The following UBE3B variants were observed in gnomAD, a reference collection of about 807,000 sequenced individuals.
The protein encoded by UBE3B is ubiquitin-protein ligase E3B.
UBE3B carries 80 observed loss-of-function variants against 132.3 expected under a neutral mutation model. That is an observed-to-expected ratio of 0.60 (90% confidence interval 0.50 to 0.73). The LOEUF is 0.73. Among genes scored for constraint, UBE3B ranks in the 30% least tolerant of loss-of-function variants. The pLI, the probability that UBE3B is intolerant of heterozygous loss-of-function variation, is 0.00. For missense variants in UBE3B, 1,196 were observed against 1,362.5 expected (o/e 0.88, Z 1.92); for synonymous variants, 487 against 520.4 (o/e 0.94, Z 0.87).
At chr12:109,516,260 C>T (rs1233806670) in intron 18 of UBE3B, among the ~76,000 whole-genome samples, 1 of 148,712 alleles carries the variant, frequency 6.7e-6, no homozygotes, top group East Asian at 2.0e-4. Context: ...TAACCTCTGC[C>T]TCCTGGGTTC....
At chr12:109,512,675 C>T (rs1163562843) in intron 18 of UBE3B, among the ~76,000 whole-genome samples, 1 of 152,126 alleles carries the variant, frequency 6.6e-6, no homozygotes, top group Non-Finnish European at 1.5e-5. Flanking sequence ...ATTTCATCCT[C>T]ACTGCTGTCT....
At chr12:109,501,836 T>A (rs2241212) in intron 13 of UBE3B, among the ~76,000 whole-genome samples, 85,298 of 150,872 alleles carry the variant, frequency 0.57, 25,085 homozygotes, top group African/African-American at 0.72. Flanking sequence ...TTTTTTTTTT[T>A]AATTTTTGTA....
intron 21 of UBE3B, among the ~76,000 whole-genome samples, chr12:109,523,429 T>C (rs886256950): frequency 4.6e-5 from 7 of 152,218 alleles, no homozygotes; most frequent in South Asian, 4.1e-4. Flanking sequence ...TGCATCCTCA[T>C]TGGACATAGC....
chr12:109,527,604 C>G lies in UBE3B; in HGVS notation c.2627+1188C>G, dbSNP rs146773551. On this transcript the variant is annotated intron_variant, in intron 24 of 27. Coordinates refer to ENST00000342494, the MANE Select transcript of UBE3B (RefSeq NM_130466.4). ...GTCAGAAACGTCAGGAGAACAGACC[C>G]TGTTTTCATAATGATTGAAATACAC... Among the ~76,000 whole-genome samples, 85 of 152,344 alleles carry G rather than the reference C, an allele frequency of 5.6e-4. 1 individual carries two copies. The highest frequency in any genetic ancestry group is 1.8e-3 in the Admixed American group (27 of 15,306).
chr12:109,502,384 G>A (rs1357681153), intron 13 of UBE3B, among the ~76,000 whole-genome samples: 8 of 152,142 alleles, frequency 5.3e-5, no homozygotes, highest in Admixed American at 3.3e-4. Flanking sequence ...GAAGGTTCTC[G>A]TTGCACGCTC....
intron 23 of UBE3B, among the ~76,000 whole-genome samples, chr12:109,524,950 C>A (rs755050744): frequency 1.3e-5 from 2 of 151,996 alleles, no homozygotes; most frequent in Non-Finnish European, 2.9e-5. Flanking sequence ...CACGTCTCCT[C>A]CCACGGTTCC....
intron 5 of UBE3B, 25 bp from the exon 6 acceptor site, chr12:109,486,446 A>C: frequency 7.1e-6 from 11 of 1,560,274 alleles, no homozygotes; most frequent in Non-Finnish European, 9.7e-6. Context: ...ACAGCCCATG[A>C]CATTCCTCTT....
chr12:109,495,229 G>A (rs1878021525), intron 9 of UBE3B, among the ~76,000 whole-genome samples: 1 of 152,170 alleles, frequency 6.6e-6, no homozygotes, highest in South Asian at 2.1e-4. Context: ...GAAAGTGAAA[G>A]TATATAGTGT....
At position 109,530,620 on chromosome 12, in the gene UBE3B, T is replaced by G. The variant is rs1189765542; in HGVS notation, c.2884T>G (p.Ser962Ala). 6.2e-7 allele frequency: 1 copy of G among 1,614,250 alleles called. No homozygotes were observed. Among genetic ancestry groups the G allele is most frequent in the Non-Finnish European group, 8.5e-7 (1 of 1,180,040 alleles). Residue 962 changes from serine to alanine, a missense_variant, in exon 26 of 28, where the codon TCC (serine) becomes GCC (alanine). Ser to Ala is a moderately conservative substitution (Grantham distance 99). Transcript: ENST00000342494. ...CATCTGGCTCTGGGATATTCTGGCC[T>G]CCGACTTCACACCGGATGAGAGAGC... ...VIIWLWDILA[S>A]DFTPDERAMF...
In UBE3B at chr12:109,533,982, C is replaced by T. The variant is rs1198979358; in HGVS notation, c.3015+424C>T. 6.9e-6 allele frequency: 9 copies of T among 1,299,878 alleles called. No homozygotes were observed. In the South Asian group the frequency reaches 8.6e-5, roughly 12 times the overall value. 80.5% of individuals were successfully genotyped at this position (1,299,878 alleles called of 1,614,324 possible). A position where few individuals can be genotyped will look rare whatever the true frequency, so the allele number is the denominator to read the frequency against. On this transcript the variant is annotated intron_variant, in intron 27 of 27. Transcript: ENST00000342494. Reference sequence around the variant, plus strand: ...GTCCAGGCTCGCTGCTTCATTTCCTCATTGGCCAAAGGAGAAGGAAAGCCT... The same window carrying T: ...GTCCAGGCTCGCTGCTTCATTTCCTTATTGGCCAAAGGAGAAGGAAAGCCT...
At position 109,497,939 on chromosome 12, in the gene UBE3B, G is replaced by T. The variant is rs779103751; in HGVS notation, c.819+16G>T. The T allele has an allele frequency of 6.2e-7, 1 of 1,612,730 alleles. No individual in the cohort carries two copies. Among genetic ancestry groups the T allele is most frequent in the Non-Finnish European group, 8.5e-7 (1 of 1,178,928 alleles). ...GACCCCTGAGGTAAGCAGGCTCTGT[G>T]AGTTCCCCGTGAAAACCCAATTGTG... is the stretch of plus-strand genomic sequence containing the variant. On this transcript the variant is annotated intron_variant, in intron 10 of 27. Coordinates refer to ENST00000342494, the MANE Select transcript of UBE3B (RefSeq NM_130466.4).
intron 3 of UBE3B, 38 bp from the exon 4 acceptor site, chr12:109,483,823 T>C (rs2135763262): frequency 6.3e-7 from 1 of 1,598,492 alleles, no homozygotes; most frequent in South Asian, 1.1e-5. Flanking sequence ...CTACAAGCTG[T>C]TAATTTAAAA....
intron 26 of UBE3B, among the ~76,000 whole-genome samples, chr12:109,532,094 C>T (rs769736623): frequency 6.6e-6 from 1 of 152,196 alleles, no homozygotes; most frequent in East Asian, 1.9e-4. Flanking sequence ...CGCCCCTCCC[C>T]GCTCGCAGGA....
chr12:109,520,819 A>G (rs1324650253), intron 19 of UBE3B: 3 of 213,818 alleles, frequency 1.4e-5, no homozygotes, highest in Non-Finnish European at 2.8e-5. Flanking sequence ...AGAGAAATGT[A>G]TCTTGTCCCG....
chr12:109,520,972 T>A, intron 19 of UBE3B, 176 bp from the exon 20 acceptor site: 1 of 650,770 alleles, frequency 1.5e-6, no homozygotes, highest in South Asian at 2.3e-5. Flanking sequence ...GAATCTTTGC[T>A]TTTAATCAGC....
intron 19 of UBE3B, 61 bp downstream of exon 19, chr12:109,516,945 T>C: frequency 1.3e-6 from 2 of 1,584,310 alleles, no homozygotes; most frequent in African/African-American, 2.7e-5. Flanking sequence ...ATGGAAGCTC[T>C]TTAGTGGACG....
chr12:109,497,897 A>C lies in UBE3B; in HGVS notation c.793A>C (p.Thr265Pro). ...IHIMSVPALVTHLSTVTPERL... is the reference protein window; with the variant it reads ...IHIMSVPALVPHLSTVTPERL... ...CATCATGTCTGTGCCTGCTCTGGTG[A>C]CTCATCTCAGCACAGTGACCCCTGA... The change falls in exon 10 of 28, where the codon ACT (threonine) becomes CCT (proline). Residue 265 changes from threonine to proline, a missense_variant. By Grantham distance (38) the Thr-to-Pro change is conservative. Transcript: ENST00000342494. 1 of 1,613,932 alleles carries C rather than the reference A, an allele frequency of 6.2e-7. No homozygotes were observed. Among genetic ancestry groups the C allele is most frequent in the East Asian group, 2.2e-5 (1 of 44,866 alleles).
At chr12:109,513,998 TAC>T (rs1205601983) in intron 18 of UBE3B, among the ~76,000 whole-genome samples, 2 of 152,218 alleles carry the variant, frequency 1.3e-5, no homozygotes, top group African/African-American at 4.8e-5. Flanking sequence ...GTTACCATTA[TAC>T]CATCTGCCCT....
chr12:109,497,238 A>G (rs1008975071), intron 9 of UBE3B, among the ~76,000 whole-genome samples: 1 of 151,954 alleles, frequency 6.6e-6, no homozygotes, highest in Non-Finnish European at 1.5e-5. Context: ...TCTGTCCTCA[A>G]TCTTTTAAAA....
Sources: allele counts gnomAD v4.1 joint callset (sites outside exome capture counted in the v4.1 genomes callset), GRCh38; gene constraint gnomAD v4.1.1; transcripts MANE v1.5; gene names NCBI Gene and HGNC (gene_info 2026-07-23, HGNC 2026-07-21).